The following ANKS1B variants were observed in gnomAD, a reference collection of about 807,000 sequenced individuals.
The protein encoded by ANKS1B is ankyrin repeat and sterile alpha motif domain-containing protein 1B.
Under a neutral mutation model 148.3 loss-of-function variants are expected in ANKS1B, and 36 were observed. The observed-to-expected ratio is 0.24, with a 90% CI of 0.19 to 0.32. The LOEUF is 0.32. ANKS1B is among the 10% of genes least tolerant of loss of function. The pLI, the probability that ANKS1B is intolerant of heterozygous loss-of-function variation, is 1.00. For missense variants in ANKS1B, 1,157 were observed against 1,542.6 expected (o/e 0.75, Z 4.19); for synonymous variants, 542 against 560.8 (o/e 0.97, Z 0.47).
intron 17 of ANKS1B, among the ~76,000 whole-genome samples, chr12:98,998,105 A>C (rs1352732623): frequency 2.0e-5 from 3 of 152,190 alleles, no homozygotes; most frequent in African/African-American, 7.2e-5. Context: ...CAGGAAGGGA[A>C]CAACTGTCAT....
At chr12:99,413,078 A>G (rs1010846465) in intron 11 of ANKS1B, among the ~76,000 whole-genome samples, 1 of 152,156 alleles carries the variant, frequency 6.6e-6, no homozygotes, top group African/African-American at 2.4e-5. Flanking sequence ...ATATATGATC[A>G]CCACAAGGGA....
intron 17 of ANKS1B, among the ~76,000 whole-genome samples, chr12:98,939,164 C>T (rs2099830044): frequency 6.6e-6 from 1 of 152,176 alleles, no homozygotes; most frequent in Non-Finnish European, 1.5e-5. Context: ...TTACAAGTTT[C>T]TATGAAGATG....
intron 12 of ANKS1B, among the ~76,000 whole-genome samples, chr12:99,312,257 CA>C (rs753799537): frequency 6.6e-6 from 1 of 152,130 alleles, no homozygotes; most frequent in Non-Finnish European, 1.5e-5. Context: ...GGCTAATTAA[CA>C]AAAGGCATTG....
chr12:99,701,587 G>T (rs530474398), intron 8 of ANKS1B, among the ~76,000 whole-genome samples: 64 of 151,620 alleles, frequency 4.2e-4, no homozygotes, highest in African/African-American at 1.5e-3. Context: ...ACATATTATT[G>T]CCGACTACAG....
At chr12:99,266,365 G>T (rs1051076095) in intron 12 of ANKS1B, among the ~76,000 whole-genome samples, 37 of 152,110 alleles carry the variant, frequency 2.4e-4, no homozygotes, top group African/African-American at 8.9e-4. Context: ...CTTTATTACG[G>T]ACCAAGCATT....
At chr12:99,562,210 T>C (rs796768270) in intron 9 of ANKS1B, among the ~76,000 whole-genome samples, 1 of 152,222 alleles carries the variant, frequency 6.6e-6, no homozygotes, top group African/African-American at 2.4e-5. Context: ...TGTGCTTTCA[T>C]CCACCCAGGC....
chr12:99,767,452 T>G (rs1173026372), intron 8 of ANKS1B, among the ~76,000 whole-genome samples: 1 of 152,058 alleles, frequency 6.6e-6, no homozygotes, highest in African/African-American at 2.4e-5. Flanking sequence ...TTCTGAAATC[T>G]GCTCTAATGA....
chr12:99,537,909 A>C (rs1164635804), intron 9 of ANKS1B, among the ~76,000 whole-genome samples: 3 of 152,048 alleles, frequency 2.0e-5, no homozygotes, highest in African/African-American at 7.2e-5. Flanking sequence ...TTTAAGTCTT[A>C]ATTCATTTTT....
intron 17 of ANKS1B, among the ~76,000 whole-genome samples, chr12:98,983,958 G>T (rs2099921843): frequency 6.6e-6 from 1 of 152,208 alleles, no homozygotes; most frequent in Non-Finnish European, 1.5e-5. Flanking sequence ...TTGAGCAGAT[G>T]TAAGAGTCTC....
At chr12:98,863,457 G>T (rs377744071) in intron 17 of ANKS1B, among the ~76,000 whole-genome samples, 1 of 152,230 alleles carries the variant, frequency 6.6e-6, no homozygotes, top group South Asian at 2.1e-4. Context: ...CTTCTGTGCT[G>T]TGTGCCTGGT....
At chr12:99,647,128 T>C (rs1282296344) in intron 9 of ANKS1B, among the ~76,000 whole-genome samples, 1 of 152,134 alleles carries the variant, frequency 6.6e-6, no homozygotes, top group African/African-American at 2.4e-5. Flanking sequence ...TAATTCCATA[T>C]CCACAAACAC....
intron 12 of ANKS1B, among the ~76,000 whole-genome samples, chr12:99,295,730 G>T (rs2154014320): frequency 6.6e-6 from 1 of 152,216 alleles, no homozygotes; most frequent in Admixed American, 6.5e-5. Flanking sequence ...GTACACATTA[G>T]TTATTTTTCC....
At chr12:99,830,848 A>G (rs180969788) in intron 1 of ANKS1B, among the ~76,000 whole-genome samples, 3 of 152,314 alleles carry the variant, frequency 2.0e-5, no homozygotes, top group African/African-American at 4.8e-5. Flanking sequence ...CCTTAAAAAT[A>G]TAAGTATGCT....
intron 8 of ANKS1B, among the ~76,000 whole-genome samples, chr12:99,757,518 A>C (rs2061681111): frequency 6.6e-6 from 1 of 152,088 alleles, no homozygotes; most frequent in Admixed American, 6.6e-5. Flanking sequence ...ACCATTATAG[A>C]AGACAGTACG....
At chr12:99,292,894 C>T (rs985939117) in intron 12 of ANKS1B, among the ~76,000 whole-genome samples, 1 of 152,196 alleles carries the variant, frequency 6.6e-6, no homozygotes, top group Admixed American at 6.5e-5. Context: ...TGCTTTTACA[C>T]TGTTGGTGGG....
chr12:99,034,244 G>C (rs1289056806), intron 17 of ANKS1B, among the ~76,000 whole-genome samples: 1 of 152,202 alleles, frequency 6.6e-6, no homozygotes, highest in African/African-American at 2.4e-5. Context: ...AGAGCGGCAG[G>C]GCAGAGAGCA....
At chr12:98,984,100 G>A (rs1682773561) in intron 17 of ANKS1B, among the ~76,000 whole-genome samples, 2 of 152,164 alleles carry the variant, frequency 1.3e-5, no homozygotes, top group South Asian at 4.1e-4. Flanking sequence ...AACACATGCT[G>A]ACAAGTCTTT....
chr12:98,838,528 CAG>C (rs1469871869), intron 17 of ANKS1B, among the ~76,000 whole-genome samples: 2 of 152,202 alleles, frequency 1.3e-5, no homozygotes, highest in African/African-American at 4.8e-5. Flanking sequence ...TGGAATTCTT[CAG>C]AGAGTACACA....
chr12:98,971,245 A>G (rs1298671440), intron 17 of ANKS1B, among the ~76,000 whole-genome samples: 2 of 152,248 alleles, frequency 1.3e-5, no homozygotes, highest in Non-Finnish European at 2.9e-5. Context: ...TCTAAAGCCC[A>G]GGCTCTTAAC....
Sources: gnomAD v4.1 joint callset for allele counts (sites outside exome capture counted in the v4.1 genomes callset) on GRCh38, gnomAD v4.1.1 for gene constraint, MANE v1.5 for transcripts, NCBI Gene and HGNC (gene_info 2026-07-23, HGNC 2026-07-21) for gene names.